The following CPQ variants were observed in gnomAD, a reference collection of about 807,000 sequenced individuals.
The protein encoded by CPQ is Ser-Met dipeptidase.
CPQ carries 37 observed loss-of-function variants against 45.7 expected under a neutral mutation model. The observed-to-expected ratio is 0.81, with a 90% CI of 0.62 to 1.07. The LOEUF (loss-of-function observed/expected upper bound fraction) is 1.07. CPQ is among the 50% of genes least tolerant of loss of function. The pLI is 0.00. For missense variants in CPQ, 537 were observed against 572.9 expected (o/e 0.94, Z 0.64); for synonymous variants, 186 against 205.8 (o/e 0.90, Z 0.82).
intron 4 of CPQ, among the ~76,000 whole-genome samples, chr8:96,913,256 C>A (rs1437459658): frequency 2.6e-5 from 4 of 152,200 alleles, no homozygotes; most frequent in Non-Finnish European, 4.4e-5. Context: ...GTGGGGCTGG[C>A]AGCATTTTAA....
intron 7 of CPQ, among the ~76,000 whole-genome samples, chr8:97,120,695 A>AT (rs1381281109): frequency 6.6e-6 from 1 of 152,226 alleles, no homozygotes; most frequent in East Asian, 1.9e-4. Context: ...TTCTCAGTTT[A>AT]GGAGCTTAAT....
intron 3 of CPQ, among the ~76,000 whole-genome samples, chr8:96,866,185 C>G (rs969535965): frequency 2.0e-5 from 3 of 152,008 alleles, no homozygotes; most frequent in Admixed American, 6.6e-5. Context: ...CCCATGAGTC[C>G]TTTTCACTCC....
intron 5 of CPQ, among the ~76,000 whole-genome samples, chr8:96,968,673 G>A (rs1813611714): frequency 6.6e-6 from 1 of 152,222 alleles, no homozygotes; most frequent in African/African-American, 2.4e-5. Flanking sequence ...CCTCAGTGGA[G>A]CGTGTTAACT....
chr8:96,953,256 C>T (rs1451239331), intron 4 of CPQ, among the ~76,000 whole-genome samples: 1 of 152,066 alleles, frequency 6.6e-6, no homozygotes, highest in African/African-American at 2.4e-5. Context: ...ATCTCACGGC[C>T]TCCTCAGGGC....
At chr8:96,731,892 T>C (rs766970622) in intron 1 of CPQ, among the ~76,000 whole-genome samples, 9 of 152,158 alleles carry the variant, frequency 5.9e-5, no homozygotes, top group Non-Finnish European at 1.0e-4. Flanking sequence ...TCCCAGATAA[T>C]ATAGAAACCT....
intron 4 of CPQ, among the ~76,000 whole-genome samples, chr8:96,881,054 A>G (rs1563519919): frequency 6.6e-6 from 1 of 152,188 alleles, no homozygotes; most frequent in Admixed American, 6.5e-5. Context: ...TATTTATTCC[A>G]TTTGAAGCTA....
Position 97,084,550 on chromosome 8 carries a change from T to C in CPQ, c.1255+18340T>C, listed in dbSNP as rs192110011. Among the ~76,000 whole-genome samples the C allele has an allele frequency of 1.2e-4, 19 of 152,304 alleles. No homozygotes were observed. The South Asian group carries it at 2.9e-3, about 23-fold the overall frequency. On this transcript the variant is annotated intron_variant, in intron 7 of 7. Transcript: ENST00000220763. The stretch of plus-strand genomic sequence containing the variant: ...CAATTCTGTCAGTCACTAGAAAGCA[T>C]GTGCTAAGTGGAAGCTGTGTTTCCG...
At chr8:97,106,876 A>T (rs1411016958) in intron 7 of CPQ, among the ~76,000 whole-genome samples, 1 of 152,226 alleles carries the variant, frequency 6.6e-6, no homozygotes, top group Non-Finnish European at 1.5e-5. Context: ...ACTAGAAGCC[A>T]GTGAAAAAGC....
intron 4 of CPQ, among the ~76,000 whole-genome samples, chr8:96,933,945 C>T (rs1032461470): frequency 2.0e-5 from 3 of 152,196 alleles, no homozygotes; most frequent in Non-Finnish European, 4.4e-5. Context: ...GTGCTACGTA[C>T]CGCTACCACA....
intron 4 of CPQ, among the ~76,000 whole-genome samples, chr8:96,921,002 T>C (rs1243022125): frequency 1.3e-5 from 2 of 152,192 alleles, no homozygotes; most frequent in Non-Finnish European, 2.9e-5. Context: ...ATTTATTTTA[T>C]TCTGTATAGC....
At chr8:96,684,771 C>T (rs146762156) in intron 1 of CPQ, among the ~76,000 whole-genome samples, 209 of 152,104 alleles carry the variant, frequency 1.4e-3, no homozygotes, top group African/African-American at 4.5e-3. Flanking sequence ...TGGGGAGGTA[C>T]GAGCAACAGC....
chr8:97,079,693 GTA>G (rs1460996766), intron 7 of CPQ, among the ~76,000 whole-genome samples: 1 of 152,068 alleles, frequency 6.6e-6, no homozygotes, highest in Non-Finnish European at 1.5e-5. Context: ...CAAAAGAAAG[GTA>G]TTAAACTGCC....
At chr8:96,689,924 T>C (rs1286980601) in intron 1 of CPQ, among the ~76,000 whole-genome samples, 1 of 152,184 alleles carries the variant, frequency 6.6e-6, no homozygotes, top group East Asian at 1.9e-4. Flanking sequence ...TAAATTTGTG[T>C]CCTTCATAAT....
At chr8:96,714,063 T>G (rs948780030) in intron 1 of CPQ, among the ~76,000 whole-genome samples, 4 of 152,190 alleles carry the variant, frequency 2.6e-5, no homozygotes, top group African/African-American at 4.8e-5. Flanking sequence ...CTCACTGCTC[T>G]TAGAATTCTT....
At chr8:96,954,562 A>C (rs2130343376) in intron 4 of CPQ, among the ~76,000 whole-genome samples, 2 of 152,144 alleles carry the variant, frequency 1.3e-5, no homozygotes, top group Middle Eastern at 6.8e-3. Context: ...GGTATCTATT[A>C]AGTTTTAAAA....
At chr8:96,812,614 A>C (rs1310073739) in intron 2 of CPQ, among the ~76,000 whole-genome samples, 1 of 152,070 alleles carries the variant, frequency 6.6e-6, no homozygotes, top group East Asian at 1.9e-4. Flanking sequence ...AAAGTAGGTG[A>C]GGTAAGGGAA....
At chr8:97,113,576 T>G (rs1478025162) in intron 7 of CPQ, among the ~76,000 whole-genome samples, 1 of 152,166 alleles carries the variant, frequency 6.6e-6, no homozygotes, top group African/African-American at 2.4e-5. Context: ...GGCAGCATAG[T>G]GAGCAGGTTC....
At chr8:96,759,282 C>G (rs1416431082) in intron 1 of CPQ, among the ~76,000 whole-genome samples, 1 of 152,058 alleles carries the variant, frequency 6.6e-6, no homozygotes, top group African/African-American at 2.4e-5. Flanking sequence ...TTCCCTTTCC[C>G]CCAAACCTCC....
chr8:96,885,498 A>G, intron 4 of CPQ, among the ~76,000 whole-genome samples: 1 of 152,030 alleles, frequency 6.6e-6, no homozygotes, highest in South Asian at 2.1e-4. Context: ...CTTACATCTC[A>G]TCAACCATGC....
Sources: allele counts gnomAD v4.1 joint callset (sites outside exome capture counted in the v4.1 genomes callset), GRCh38; gene constraint gnomAD v4.1.1; transcripts MANE v1.5; gene names NCBI Gene and HGNC (gene_info 2026-07-23, HGNC 2026-07-21).